ARHGAP10: variants seen among roughly 807,000 people sequenced by gnomAD.
ARHGAP10 encodes Rho GTPase activating protein 10, also known as rho GTPase-activating protein 10.
Under a neutral mutation model 108.6 loss-of-function variants are expected in ARHGAP10, and 87 were observed. That is an observed-to-expected ratio of 0.80 (90% CI 0.67 to 0.96). The LOEUF (loss-of-function observed/expected upper bound fraction) is 0.96. Among genes scored for constraint, ARHGAP10 ranks in the 40% least tolerant of loss-of-function variants. The pLI is 0.00. For synonymous variants in ARHGAP10, 347 were observed against 341.1 expected (o/e 1.02, Z -0.19); for missense variants, 939 against 954.5 (o/e 0.98, Z 0.21).
At chr4:147,793,320 A>T (rs372077314) in intron 1 of ARHGAP10, among the ~76,000 whole-genome samples, 78 of 145,346 alleles carry the variant, frequency 5.4e-4, no homozygotes, top group African/African-American at 1.5e-3. Flanking sequence ...ATATATATAT[A>T]TTTTTTTTTT....
At chr4:147,897,897 C>G (rs1707488496) in intron 10 of ARHGAP10, among the ~76,000 whole-genome samples, 2 of 152,078 alleles carry the variant, frequency 1.3e-5, no homozygotes, top group South Asian at 4.1e-4. Context: ...CAGAGTCTCG[C>G]TCTGTTGCCC....
chr4:147,949,273 G>A (rs1347397375), intron 15 of ARHGAP10, among the ~76,000 whole-genome samples: 3 of 152,208 alleles, frequency 2.0e-5, no homozygotes, highest in African/African-American at 7.2e-5. Flanking sequence ...TGGTTTAGAT[G>A]AGGATTATGG....
chr4:147,741,782 A>ACG (rs1553944855), intron 1 of ARHGAP10, among the ~76,000 whole-genome samples: 6 of 36,452 alleles, frequency 1.6e-4, no homozygotes, highest in Admixed American at 1.1e-3. Context: ...ACACACACAC[A>ACG]CACACACACG....
At chr4:148,056,569 G>GCGGA (rs1215516867) in intron 20 of ARHGAP10, among the ~76,000 whole-genome samples, 2 of 81,048 alleles carry the variant, frequency 2.5e-5, no homozygotes, top group Non-Finnish European at 4.6e-5. Context: ...CCCCACCTCC[G>GCGGA]GCTCTTAGCA....
chr4:147,962,359 G>T (rs890434391), intron 16 of ARHGAP10, among the ~76,000 whole-genome samples: 1 of 152,192 alleles, frequency 6.6e-6, no homozygotes, highest in Non-Finnish European at 1.5e-5. Context: ...AACAGTGATT[G>T]AGTGCCCACA....
At chr4:148,009,306 AT>A (rs1161650450) in intron 18 of ARHGAP10, among the ~76,000 whole-genome samples, 1 of 151,970 alleles carries the variant, frequency 6.6e-6, no homozygotes, top group African/African-American at 2.4e-5. Flanking sequence ...TAATTTTTGT[AT>A]TTTTAGTAGA....
Position 147,926,585 on chromosome 4 carries a change from A to G in ARHGAP10, c.1229-13240A>G, listed in dbSNP as rs185521495. ...GGCATGTTATAAGAAATAGAATGAA[A>G]GCAAGAGGAGAGATGGCAGGAATTA... On this transcript the variant is annotated intron_variant, in intron 13 of 22. Coordinates refer to ENST00000336498, the MANE Select transcript of ARHGAP10 (RefSeq NM_024605.4). Among the ~76,000 whole-genome samples, 723 of 152,320 alleles carry G rather than the reference A, an allele frequency of 4.7e-3. 1 individual carries two copies. Among genetic ancestry groups the G allele is most frequent in the Non-Finnish European group, 8.3e-3 (568 of 68,024 alleles).
At chr4:147,888,257 A>G (rs76547287) in intron 10 of ARHGAP10, among the ~76,000 whole-genome samples, 2,388 of 152,246 alleles carry the variant, frequency 0.016, 55 homozygotes, top group African/African-American at 0.052. Flanking sequence ...CCGTATGTTG[A>G]TAACTTGCAA....
intron 1 of ARHGAP10, among the ~76,000 whole-genome samples, chr4:147,733,839 G>A (rs569012937): frequency 6.6e-6 from 1 of 152,200 alleles, no homozygotes; most frequent in African/African-American, 2.4e-5. Context: ...TGACCTCTTT[G>A]GTGTTGCAAA....
chr4:147,760,404 C>T (rs191232467), intron 1 of ARHGAP10, among the ~76,000 whole-genome samples: 7 of 152,296 alleles, frequency 4.6e-5, no homozygotes, highest in Non-Finnish European at 8.8e-5. Flanking sequence ...TACTTGGCAA[C>T]GTCAGGGTTT....
intron 1 of ARHGAP10, among the ~76,000 whole-genome samples, chr4:147,821,578 C>T (rs1732499655): frequency 6.6e-6 from 1 of 152,116 alleles, no homozygotes; most frequent in Non-Finnish European, 1.5e-5. Context: ...CAGAAACTTA[C>T]AGTGGGGAAT....
At chr4:148,041,089 T>C (rs1187087951) in intron 19 of ARHGAP10, among the ~76,000 whole-genome samples, 1 of 152,222 alleles carries the variant, frequency 6.6e-6, no homozygotes, top group Admixed American at 6.5e-5. Context: ...TGAGGTTTGC[T>C]TAAATTAAAT....
intron 19 of ARHGAP10, among the ~76,000 whole-genome samples, chr4:148,028,137 C>T (rs758263928): frequency 1.1e-4 from 17 of 152,120 alleles, no homozygotes; most frequent in Non-Finnish European, 2.1e-4. Context: ...GGGGTGCTTT[C>T]TGGTTTCCTT....
At chr4:147,742,555 C>G (rs1361596756) in intron 1 of ARHGAP10, among the ~76,000 whole-genome samples, 1 of 136,268 alleles carries the variant, frequency 7.3e-6, no homozygotes, top group Non-Finnish European at 1.5e-5. Flanking sequence ...ACAATCTCGA[C>G]TCACTGCAAC....
intron 16 of ARHGAP10, among the ~76,000 whole-genome samples, chr4:147,955,791 C>T (rs1292981175): frequency 6.6e-6 from 1 of 152,066 alleles, no homozygotes; most frequent in Non-Finnish European, 1.5e-5. Context: ...TTGGAGGTGG[C>T]TTCACATAGA....
At chr4:147,835,321 C>G (rs1733123246) in intron 3 of ARHGAP10, among the ~76,000 whole-genome samples, 1 of 152,172 alleles carries the variant, frequency 6.6e-6, no homozygotes, top group Non-Finnish European at 1.5e-5. Flanking sequence ...AAGCTTTTGT[C>G]ATTGATTAAA....
At chr4:147,802,221 A>G (rs576312952) in intron 1 of ARHGAP10, among the ~76,000 whole-genome samples, 12 of 152,240 alleles carry the variant, frequency 7.9e-5, no homozygotes, top group East Asian at 3.9e-4. Flanking sequence ...TCTGACCTGT[A>G]TTGAAGAATG....
chr4:147,936,345 G>A (rs1439243339), intron 13 of ARHGAP10, among the ~76,000 whole-genome samples: 8 of 75,278 alleles, frequency 1.1e-4, no homozygotes, highest in African/African-American at 1.8e-4. Flanking sequence ...TTTTTGAGAT[G>A]GAGTCTTGCT....
chr4:147,960,635 A>G (rs1466430806), intron 16 of ARHGAP10, among the ~76,000 whole-genome samples: 5 of 152,246 alleles, frequency 3.3e-5, no homozygotes, highest in Admixed American at 2.0e-4. Flanking sequence ...TTGTTGAAAT[A>G]TAACATGGGC....
Sources: allele counts gnomAD v4.1 joint callset (sites outside exome capture counted in the v4.1 genomes callset), GRCh38; gene constraint gnomAD v4.1.1; transcripts MANE v1.5; gene names NCBI Gene and HGNC (gene_info 2026-07-23, HGNC 2026-07-21).